CATSPERT: variants seen among roughly 807,000 people sequenced by gnomAD.
CATSPERT encodes catsper channel auxiliary subunit tau.
the CATSPERT span, among the ~76,000 whole-genome samples, chr2:201,525,977 A>G: frequency 6.6e-6 from 1 of 152,110 alleles, no homozygotes; most frequent in Non-Finnish European, 1.5e-5. Flanking sequence ...GTAATAAAAA[A>G]CCTGCCAATC....
the CATSPERT span, among the ~76,000 whole-genome samples, chr2:201,517,280 A>G: frequency 4.1e-3 from 622 of 152,268 alleles, 5 homozygotes; most frequent in African/African-American, 0.014. Flanking sequence ...ACAGTCATTA[A>G]CAGGCAAGAC....
At chr2:201,524,187 A>G in the CATSPERT span, among the ~76,000 whole-genome samples, 1 of 152,254 alleles carries the variant, frequency 6.6e-6, no homozygotes, top group African/African-American at 2.4e-5. Context: ...TCCAAGGTCA[A>G]TGCAAAAGAA....
At chr2:201,487,828 T>C in the CATSPERT span, 4 of 1,614,108 alleles carry the variant, frequency 2.5e-6, no homozygotes, top group Non-Finnish European at 3.4e-6. Context: ...CTAAAAGCCT[T>C]GATCTTGATT....
At chr2:201,586,037 C>G in the CATSPERT span, among the ~76,000 whole-genome samples, 7 of 152,260 alleles carry the variant, frequency 4.6e-5, no homozygotes, top group Non-Finnish European at 5.9e-5. Flanking sequence ...GTGAAAACGA[C>G]AAGAATGAAG....
the CATSPERT span, chr2:201,536,452 A>T: frequency 8.7e-7 from 1 of 1,152,126 alleles, no homozygotes; most frequent in Non-Finnish European, 1.2e-6. Flanking sequence ...TATTATTTGT[A>T]AATTTTAATT....
At chr2:201,528,585 A>G in the CATSPERT span, among the ~76,000 whole-genome samples, 1 of 152,184 alleles carries the variant, frequency 6.6e-6, no homozygotes, top group Non-Finnish European at 1.5e-5. Context: ...CAACTATAAA[A>G]AAAAAGAAAT....
the CATSPERT span, among the ~76,000 whole-genome samples, chr2:201,546,149 T>C: frequency 6.6e-6 from 1 of 152,104 alleles, no homozygotes; most frequent in Non-Finnish European, 1.5e-5. Flanking sequence ...AAAATGTCTC[T>C]AAAATATGAA....
chr2:201,545,851 A>G, the CATSPERT span, among the ~76,000 whole-genome samples: 13 of 152,212 alleles, frequency 8.5e-5, no homozygotes, highest in African/African-American at 3.1e-4. Flanking sequence ...GATGTTCCAA[A>G]GAAAGTGTAT....
chr2:201,596,239 GC>G, the CATSPERT span, among the ~76,000 whole-genome samples: 1 of 152,188 alleles, frequency 6.6e-6, no homozygotes, highest in African/African-American at 2.4e-5. Context: ...GGAATACTAT[GC>G]AGCCATAAAA....
chr2:201,592,509 G>A, the CATSPERT span, among the ~76,000 whole-genome samples: 1 of 151,404 alleles, frequency 6.6e-6, no homozygotes, highest in African/African-American at 2.4e-5. Context: ...ATGAGTTAGG[G>A]AGGATTCCCT....
chr2:201,494,251 C>G, the CATSPERT span: 2 of 1,536,894 alleles, frequency 1.3e-6, no homozygotes, highest in Admixed American at 3.9e-5. Context: ...ACTGTTCATA[C>G]TAACTTCTGG....
the CATSPERT span, among the ~76,000 whole-genome samples, chr2:201,616,032 C>T: frequency 7.8e-3 from 1,181 of 152,220 alleles, 5 homozygotes; most frequent in Middle Eastern, 0.02. Context: ...CTGAATAGAC[C>T]AATAACAGGT....
the CATSPERT span, chr2:201,535,283 C>CT: frequency 1.0e-6 from 1 of 985,128 alleles, no homozygotes; most frequent in Non-Finnish European, 1.2e-6. Context: ...CAGAATCTCA[C>CT]TTAGAACTCA....
At chr2:201,532,436 G>T in the CATSPERT span, among the ~76,000 whole-genome samples, 1 of 152,124 alleles carries the variant, frequency 6.6e-6, no homozygotes, top group Non-Finnish European at 1.5e-5. Context: ...TCTTCGTCAT[G>T]TTAAGTTTGA....
At chr2:201,557,492 C>T in the CATSPERT span, 1 of 152,140 alleles carries the variant, frequency 6.6e-6, no homozygotes, top group Non-Finnish European at 1.5e-5. Context: ...CAACCCCAAC[C>T]CTATATCTTT....
At chr2:201,542,831 A>G in the CATSPERT span, among the ~76,000 whole-genome samples, 1 of 151,784 alleles carries the variant, frequency 6.6e-6, no homozygotes, top group Non-Finnish European at 1.5e-5. Context: ...TGTTTCCTTT[A>G]CTGTGTAGAA....
the CATSPERT span, among the ~76,000 whole-genome samples, chr2:201,590,277 T>C: frequency 6.6e-6 from 1 of 151,800 alleles, no homozygotes; most frequent in Non-Finnish European, 1.5e-5. Context: ...AGAATGATGA[T>C]TTCCAATTTC....
chr2:201,505,415 A>G, the CATSPERT span, among the ~76,000 whole-genome samples: 1 of 152,136 alleles, frequency 6.6e-6, no homozygotes, highest in Non-Finnish European at 1.5e-5. Context: ...AATCAGTCAT[A>G]TGCTGCCTTT....
chr2:201,539,008 A>G, the CATSPERT span, among the ~76,000 whole-genome samples: 19 of 152,094 alleles, frequency 1.2e-4, no homozygotes, highest in African/African-American at 4.6e-4. Flanking sequence ...CATTCTTTTT[A>G]TGGCTGCATA....
Sources: allele counts gnomAD v4.1 joint callset (sites outside exome capture counted in the v4.1 genomes callset), GRCh38; gene constraint gnomAD v4.1.1; transcripts MANE v1.5; gene names NCBI Gene and HGNC (gene_info 2026-07-23, HGNC 2026-07-21).